Variants in LRRC19 observed in about 807,000 individuals in gnomAD.
LRRC19 encodes the protein leucine rich repeat containing 19, also known as leucine-rich repeat-containing protein 19.
LRRC19 carries 33 observed loss-of-function variants against 33.3 expected under a neutral mutation model. The ratio of observed to expected loss-of-function variants is 0.99; its 90% CI spans 0.75 to 1.33. LRRC19 has a LOEUF of 1.33. Among genes scored for constraint, LRRC19 ranks in the 40% most tolerant of loss-of-function variants. The pLI is 0.00. For synonymous variants in LRRC19, 184 were observed against 152.3 expected (o/e 1.21, Z -1.53); for missense variants, 463 against 417.3 (o/e 1.11, Z -0.95).
At chr9:27,003,464 A>C (rs1160603401) in intron 1 of LRRC19, among the ~76,000 whole-genome samples, 1 of 152,114 alleles carries the variant, frequency 6.6e-6, no homozygotes, top group Non-Finnish European at 1.5e-5. Context: ...CAGAAGTTGC[A>C]GTGAGCCGTG....
At chr9:26,998,758 C>T (rs545466550) in intron 2 of LRRC19, among the ~76,000 whole-genome samples, 8 of 150,764 alleles carry the variant, frequency 5.3e-5, no homozygotes, top group South Asian at 2.1e-4. Flanking sequence ...CTGAGGCAGG[C>T]GGGTTACCTG....
At position 26,993,809 on chromosome 9, in the gene LRRC19, C is replaced by T. The variant is rs1324845086; in HGVS notation, c.*1712G>A. 6.6e-6 allele frequency: 1 copy of T among 152,206 alleles called. No individual in the cohort carries two copies. The highest frequency in any genetic ancestry group is 1.9e-4 in the East Asian group (1 of 5,198). 9.4% of individuals were successfully genotyped at this position (152,206 alleles called of 1,614,324 possible). On this transcript the variant is annotated 3_prime_UTR_variant, in exon 5 of 5. Transcript: ENST00000380055. ...CTTGCTCCATCCATACCTCTAGCCA[C>T]TGTTCCATTCCACGTGTTATAATGA...
chr9:26,999,961 G>A (rs1828388829), intron 1 of LRRC19, among the ~76,000 whole-genome samples: 1 of 151,704 alleles, frequency 6.6e-6, no homozygotes, highest in South Asian at 2.1e-4. Context: ...TGTAGAGATG[G>A]GGTCACCATG....
chr9:26,999,570 G>T (rs1828362385), intron 2 of LRRC19, 44 bp downstream of exon 2: 1 of 1,391,186 alleles, frequency 7.2e-7, no homozygotes, highest in Non-Finnish European at 1.0e-6. Context: ...TACAGAAAAT[G>T]TACCTTTGAA....
At chr9:26,996,971 G>C (rs2131570908) in intron 3 of LRRC19, among the ~76,000 whole-genome samples, 1 of 152,276 alleles carries the variant, frequency 6.6e-6, no homozygotes, top group South Asian at 2.1e-4. Context: ...AGCACTTTGG[G>C]AGGCCGAGGC....
intron 1 of LRRC19, among the ~76,000 whole-genome samples, chr9:27,004,923 C>G (rs910942283): frequency 6.6e-6 from 1 of 151,944 alleles, no homozygotes; most frequent in African/African-American, 2.4e-5. Flanking sequence ...AATAAAGTTT[C>G]AAGTACATGT....
In LRRC19 at chr9:26,995,650, T is replaced by C; in HGVS notation, c.984A>G (p.Ser328=). 1 of 1,613,882 alleles carries C rather than the reference T, an allele frequency of 6.2e-7. No individual in the cohort carries two copies. The highest frequency in any genetic ancestry group is 8.5e-7 in the Non-Finnish European group (1 of 1,179,836). Residue 328 remains serine (S), a synonymous_variant, in exon 5 of 5, where the codon TCA becomes TCG. Transcript: ENST00000380055. ...DGFTGNPSSL[S]QIPETNSEET... is the part of the protein sequence containing the mutation. Reference sequence around the variant, plus strand: ...CTTCAGAGTTTGTTTCTGGTATCTGTGAAAGAGAGCTTGGATTTCCAGTAA... The same window carrying C: ...CTTCAGAGTTTGTTTCTGGTATCTGCGAAAGAGAGCTTGGATTTCCAGTAA...
intron 3 of LRRC19, 44 bp downstream of exon 3, chr9:26,997,684 T>C (rs763724636): frequency 5.9e-6 from 9 of 1,536,164 alleles, no homozygotes; most frequent in Non-Finnish European, 7.9e-6. Context: ...TGGTGGAACA[T>C]TGAGTTAATC....
At chr9:27,005,357 C>T (rs1224478831) in intron 1 of LRRC19, among the ~76,000 whole-genome samples, 2 of 47,736 alleles carry the variant, frequency 4.2e-5, no homozygotes, top group African/African-American at 7.5e-5. Context: ...CCATTTCCCC[C>T]CCCGCCCCCC....
At position 26,993,594 on chromosome 9, in the gene LRRC19, C is replaced by T. The variant is rs965802721; in HGVS notation, c.*1927G>A. On this transcript the variant is annotated 3_prime_UTR_variant, in exon 5 of 5. Transcript: ENST00000380055. ...AAAATGACTATTCTATAGATTATGA[C>T]ATAGATCTATTTTATTTTAGCCTCT... 6 of 152,400 alleles carry T rather than the reference C, an allele frequency of 3.9e-5. No individual in the cohort carries two copies. The highest frequency in any genetic ancestry group is 2.1e-4 in the South Asian group (1 of 4,826). The allele number at this position is 152,400 out of a possible 1,614,324, so 9.4% of individuals were successfully genotyped here.
intron 1 of LRRC19, among the ~76,000 whole-genome samples, chr9:27,003,373 A>G (rs888741065): frequency 5.5e-4 from 84 of 152,182 alleles, no homozygotes; most frequent in African/African-American, 1.9e-3. Context: ...AATTACAAAA[A>G]TTAGCCGGGT....
chr9:26,999,589 T>C (rs1362739003), intron 2 of LRRC19, 25 bp downstream of exon 2: 1 of 1,482,592 alleles, frequency 6.7e-7, no homozygotes, highest in South Asian at 1.2e-5. Flanking sequence ...AAAATATTTT[T>C]ACTATTTTGA....
Position 26,997,330 on chromosome 9 carries a change from C to CTTT in LRRC19, c.595+395_595+397dup, listed in dbSNP as rs773530183. Among the ~76,000 whole-genome samples the CTTT allele has an allele frequency of 4.1e-4, 51 of 123,596 alleles. 1 individual carries two copies. The highest frequency in any genetic ancestry group is 2.6e-3 in the East Asian group (9 of 3,450). The allele number at this position is 123,596 out of a possible 152,430, so 81.1% of individuals were successfully genotyped here. On this transcript the variant is annotated intron_variant, in intron 3 of 4. Transcript: ENST00000380055. Reference sequence around the variant, plus strand: ...GCTTAAACAGAAATTGTTTCCTTTCCTTTTTTTTTTTTTTTTTTTTTGAGA... The same window carrying CTTT: ...GCTTAAACAGAAATTGTTTCCTTTCCTTTTTTTTTTTTTTTTTTTTTTTTGAGA...
Position 26,998,187 on chromosome 9 carries a change from T to C in LRRC19, c.136A>G (p.Lys46Glu), listed in dbSNP as rs778775064. The C allele has an allele frequency of 1.9e-5, 29 of 1,566,090 alleles. No individual in the cohort carries two copies. The South Asian group carries it at 3.3e-4, about 18-fold the overall frequency. Residue 46 changes from lysine (K) to glutamate (E), a missense_variant, in exon 3 of 5, where the codon AAG (lysine) becomes GAG (glutamate). Lys to Glu is a moderately conservative substitution (Grantham distance 56). Transcript: ENST00000380055. ...KNYTLIPADI[K>E]KDVTILDLSY... is the part of the protein sequence containing the mutation. Reference sequence around the variant, plus strand: ...AGATCAAGTATAGTAACATCTTTCTTGATATCTGCTGGAATCAAGGTATAA... The same window carrying C: ...AGATCAAGTATAGTAACATCTTTCTCGATATCTGCTGGAATCAAGGTATAA...
At position 26,995,753 on chromosome 9, in the gene LRRC19, G is replaced by C. The variant is rs1828118703; in HGVS notation, c.881C>G (p.Pro294Arg). Residue 294 changes from proline to arginine, a missense_variant, in exon 5 of 5, where the codon CCA (proline) becomes CGA (arginine). Transcript: ENST00000380055. ...ACTAAGCAGAATATTGTACCATATT[G>C]GGCATTTGATAGCAATAAAAATGAG... ...SLLIFIAIKC[P>R]IWYNILLSYN... 1 of 1,613,588 alleles carries C rather than the reference G, an allele frequency of 6.2e-7. No individual in the cohort carries two copies. The highest frequency in any genetic ancestry group is 1.3e-5 in the African/African-American group (1 of 74,872).
intron 4 of LRRC19, 106 bp downstream of exon 4, chr9:26,996,205 A>C (rs1828146936): frequency 1.4e-6 from 1 of 726,912 alleles, no homozygotes; most frequent in Admixed American, 3.6e-5. Flanking sequence ...TGAGATGAGG[A>C]ATCTTTCTTT....
chr9:27,003,812 A>G (rs1179729459), intron 1 of LRRC19, among the ~76,000 whole-genome samples: 1 of 152,228 alleles, frequency 6.6e-6, no homozygotes, highest in Non-Finnish European at 1.5e-5. Flanking sequence ...AGTGCATTTA[A>G]ACTATCACTT....
intron 1 of LRRC19, among the ~76,000 whole-genome samples, chr9:27,001,881 C>CA (rs1240960228): frequency 6.0e-5 from 9 of 150,862 alleles, no homozygotes; most frequent in South Asian, 2.1e-4. Context: ...CTTAGAGACA[C>CA]AAAAAAATCT....
intron 3 of LRRC19, among the ~76,000 whole-genome samples, chr9:26,997,187 G>A (rs1828200671): frequency 6.6e-6 from 1 of 150,924 alleles, no homozygotes; most frequent in Non-Finnish European, 1.5e-5. Flanking sequence ...ATTCCAGCCT[G>A]GGTAATAATA....
Sources: allele counts gnomAD v4.1 joint callset (sites outside exome capture counted in the v4.1 genomes callset), GRCh38; gene constraint gnomAD v4.1.1; transcripts MANE v1.5; gene names NCBI Gene and HGNC (gene_info 2026-07-23, HGNC 2026-07-21).